The following FSIP2 variants were observed in gnomAD, a reference collection of about 807,000 sequenced individuals.
FSIP2 encodes the protein fibrous sheath interacting protein 2.
FSIP2 carries 367 observed loss-of-function variants against 510.5 expected under a neutral mutation model. The ratio of observed to expected loss-of-function variants is 0.72; its 90% CI spans 0.66 to 0.78. FSIP2 has a LOEUF of 0.78. Ranked by LOEUF, FSIP2 falls within the 30% of genes least tolerant of loss-of-function variation. The probability of loss-of-function intolerance (pLI) is 0.00; values close to 1 mark genes in which losing one functional copy is unlikely to be tolerated. For missense variants in FSIP2, 7,594 were observed against 7,901.7 expected (o/e 0.96, Z 1.48); for synonymous variants, 2,601 against 2,732.2 (o/e 0.95, Z 1.50).
Position 185,743,254 on chromosome 2 carries a change from A to G in FSIP2, c.347A>G (p.Lys116Arg), listed in dbSNP as rs1691959728. ...TACTATAAGCGCAAAGATATTTTGA[A>G]GAGATTAAAGAAAGGTGGCTACATC... ...KAYYKRKDIL[K>R]RLKKGGYITS... The change falls in exon 3 of 23, where the codon AAG becomes AGG. Residue 116 changes from lysine (K) to arginine (R), a missense_variant. By Grantham distance (26) the Lys-to-Arg change is conservative (BLOSUM62 2). Coordinates refer to ENST00000424728, the MANE Select transcript of FSIP2 (RefSeq NM_173651.4). 3 of 1,510,982 alleles carry G rather than the reference A, an allele frequency of 2.0e-6. No individual in the cohort carries two copies. The highest frequency in any genetic ancestry group is 2.6e-6 in the Non-Finnish European group (3 of 1,139,228). 93.6% of individuals were successfully genotyped at this position (1,510,982 alleles called of 1,614,324 possible).
Position 185,789,175 on chromosome 2 carries a change from CA to C in FSIP2, c.2043del (p.Ala682ProfsTer5). 6.5e-7 allele frequency: 1 copy of C among 1,534,454 alleles called. No individual in the cohort carries two copies. Among genetic ancestry groups the C allele is most frequent in the Non-Finnish European group, 8.7e-7 (1 of 1,145,748 alleles). ...LGSSLHCDKT[A>X]KAMDEMKNLK... ...AGTTCATTGCATTGTGATAAAACAG[CA>C]AAAGCCATGGATGAAATGAAGAATT... On this transcript the variant is annotated frameshift_variant, in exon 16 of 23. Transcript: ENST00000424728. LOFTEE classifies it high-confidence loss of function.
In FSIP2 at chr2:185,800,992, G is replaced by C. The variant is rs1276530311; in HGVS notation, c.11686G>C (p.Gly3896Arg). ...AAGAAAGTCAGAATTAATAGAATTA[G>C]GACAGAGTAAAAGTTCTTTAGAACT... ...KARKSELIEL[G>R]QSKSSLELRS... Residue 3896 changes from glycine (G) to arginine (R), a missense_variant, in exon 17 of 23, where the codon GGA (glycine) becomes CGA (arginine). Gly to Arg is a moderately radical substitution (Grantham distance 125). Coordinates refer to ENST00000424728, the MANE Select transcript of FSIP2 (RefSeq NM_173651.4). 2.0e-6 allele frequency: 3 copies of C among 1,531,298 alleles called. No individual in the cohort carries two copies. In the African/African-American group the frequency reaches 4.1e-5, roughly 21 times the overall value. 94.9% of individuals were successfully genotyped at this position (1,531,298 alleles called of 1,614,324 possible).
rs1005129588 is a variant in FSIP2, at chr2:185,802,668, C to T, written c.13362C>T (p.Ser4454=). ...ACATCAGTAAATCTACTGAGCCAAG[C>T]CAGAGTGTACCTCTATATAACACCT... The part of the protein sequence containing the change: ...LSNISKSTEP[S]QSVPLYNTLL... Residue 4454 remains serine (S), a synonymous_variant, in exon 17 of 23, where the codon AGC becomes AGT. Transcript: ENST00000424728. The T allele has an allele frequency of 9.8e-6, 15 of 1,533,398 alleles. No individual in the cohort carries two copies. The African/African-American group carries it at 2.1e-4, about 21-fold the overall frequency. 95.0% of individuals were successfully genotyped at this position (1,533,398 alleles called of 1,614,324 possible). A position where few individuals can be genotyped will look rare whatever the true frequency, so the allele number is the denominator to read the frequency against.
In FSIP2 at chr2:185,789,081, C is replaced by A. The variant is rs934807392; in HGVS notation, c.1945C>A (p.Leu649Ile). 6.5e-7 allele frequency: 1 copy of A among 1,534,804 alleles called. No homozygotes were observed. The change falls in exon 16 of 23, where the codon CTT becomes ATT. Residue 649 changes from leucine (L) to isoleucine (I), a missense_variant. Leu to Ile is a conservative substitution (Grantham distance 5). Transcript: ENST00000424728. ...CAGAAGTTGTAAATCAGATAGTCAC[C>A]TTTTAGCATCATTTGAAACAGGCAC... ...KLRSCKSDSH[L>I]LASFETGTKK...
intron 1 of FSIP2, 53 bp from the exon 2 acceptor site, chr2:185,739,293 T>TA: frequency 6.8e-7 from 1 of 1,476,846 alleles, no homozygotes; most frequent in Non-Finnish European, 8.9e-7. Flanking sequence ...TGGTCTAAAC[T>TA]AAACTAATAC....
chr2:185,743,579 T>C (rs187638456), intron 3 of FSIP2, among the ~76,000 whole-genome samples: 29 of 152,316 alleles, frequency 1.9e-4, no homozygotes, highest in African/African-American at 7.0e-4. Flanking sequence ...CCCACGTGTA[T>C]TATAGCCTTC....
At chr2:185,738,356 G>T (rs1691828830), upstream of FSIP2, 2 of 471,792 alleles carry the variant, frequency 4.2e-6, no homozygotes, top group Non-Finnish European at 7.6e-6. Flanking sequence ...AGGAAACCTA[G>T]GGGACAGAAG....
In FSIP2 at chr2:185,803,866, A is replaced by C. The variant is rs758780204; in HGVS notation, c.14560A>C (p.Met4854Leu). Residue 4854 changes from methionine to leucine, a missense_variant, in exon 17 of 23, where the codon ATG (methionine) becomes CTG (leucine). Physicochemically the swap from Met to Leu is conservative, Grantham distance 15. Transcript: ENST00000424728. ...TAAATATGGGAATAAAAAACAGAGTATGATTTCAGCAAAAGATATCCAGTC... is the reference window on the plus strand; with the variant it reads ...TAAATATGGGAATAAAAAACAGAGTCTGATTTCAGCAAAAGATATCCAGTC... The part of the protein sequence containing the change: ...IIKYGNKKQS[M>L]ISAKDIQSMV... The C allele has an allele frequency of 2.4e-5, 36 of 1,520,880 alleles. No homozygotes were observed. In the South Asian group the frequency reaches 2.7e-4, roughly 11 times the overall value. The allele number at this position is 1,520,880 out of a possible 1,614,324, so 94.2% of individuals were successfully genotyped here.
At chr2:185,748,050 G>GTTATT (rs1692069411) in intron 7 of FSIP2, among the ~76,000 whole-genome samples, 1 of 151,854 alleles carries the variant, frequency 6.6e-6, no homozygotes, top group Non-Finnish European at 1.5e-5. Flanking sequence ...ATTTTAGGTA[G>GTTATT]GTTATTGTTA....
At chr2:185,797,642 C>A in intron 16 of FSIP2, 116 bp downstream of exon 16, 1 of 1,028,114 alleles carries the variant, frequency 9.7e-7, no homozygotes, top group Non-Finnish European at 1.4e-6. Context: ...TCTGAAAATA[C>A]CCTTGGAGGT....
chr2:185,804,384 C>T lies in FSIP2; in HGVS notation c.15078C>T (p.Asn5026=). ...AAGAAATGGTTCAAAAAATAGTCAA[C>T]TCAGTATATGGAAAAGTATTAGATC... ...RYKEMVQKIV[N]SVYGKVLDQY... is the part of the protein sequence containing the mutation. Residue 5026 remains asparagine, a synonymous_variant, in exon 17 of 23, where the codon AAC becomes AAT. Transcript: ENST00000424728. The T allele has an allele frequency of 1.3e-6, 2 of 1,504,374 alleles. No homozygotes were observed. The highest frequency in any genetic ancestry group is 1.8e-6 in the Non-Finnish European group (2 of 1,132,106). 93.2% of individuals were successfully genotyped at this position (1,504,374 alleles called of 1,614,324 possible). A position where few individuals can be genotyped will look rare whatever the true frequency, so the allele number is the denominator to read the frequency against.
Position 185,800,331 on chromosome 2 carries a change from T to A in FSIP2, c.11025T>A (p.Tyr3675Ter). The change falls in exon 17 of 23, where the codon TAT becomes TAA. Residue 3675 changes from tyrosine (Y) to a stop codon, truncating the protein, a stop_gained. Transcript: ENST00000424728. LOFTEE classifies it high-confidence loss of function. ...TTTTTCAAAAAAATAAGTTAAGTTA[T>A]CTTGCATGTAAGTTAAACAGCCTGG... ...GQLFQKNKLS[Y>*]LACKLNSLVG... 4 of 1,533,204 alleles carry A rather than the reference T, an allele frequency of 2.6e-6. No individual in the cohort carries two copies. The highest frequency in any genetic ancestry group is 2.6e-6 in the Non-Finnish European group (3 of 1,145,258). The allele number at this position is 1,533,204 out of a possible 1,614,324, so 95.0% of individuals were successfully genotyped here.
rs1409395903 is a variant in FSIP2 at position 185,803,216 on chromosome 2, G to T, written c.13910G>T (p.Arg4637Met). The change falls in exon 17 of 23, where the codon AGG becomes ATG. Residue 4637 changes from arginine to methionine, a missense_variant. By Grantham distance (91) the Arg-to-Met change is moderately conservative. Transcript: ENST00000424728. Reference protein sequence around the residue: ...ISGVLRKIFHRVVGIVQTKSI... With the variant: ...ISGVLRKIFHMVVGIVQTKSI... ...GGGGTTTTAAGAAAAATATTCCACAGGGTAGTAGGCATTGTACAAACAAAA... is the reference window on the plus strand; with the variant it reads ...GGGGTTTTAAGAAAAATATTCCACATGGTAGTAGGCATTGTACAAACAAAA... The T allele has an allele frequency of 6.5e-7, 1 of 1,532,240 alleles. No individual in the cohort carries two copies. Among genetic ancestry groups the T allele is most frequent in the African/African-American group, 1.4e-5 (1 of 72,876 alleles). The allele number at this position is 1,532,240 out of a possible 1,614,324, so 94.9% of individuals were successfully genotyped here.
At chr2:185,749,748 G>A (rs1203950029) in intron 7 of FSIP2, among the ~76,000 whole-genome samples, 1 of 151,718 alleles carries the variant, frequency 6.6e-6, no homozygotes, top group African/African-American at 2.4e-5. Context: ...GTGATCTCAA[G>A]GGGAAAGGAT....
At position 185,788,922 on chromosome 2, in the gene FSIP2, A is replaced by G. The variant is rs1483453748; in HGVS notation, c.1786A>G (p.Thr596Ala). The G allele has an allele frequency of 2.6e-6, 4 of 1,535,128 alleles. No individual in the cohort carries two copies. The highest frequency in any genetic ancestry group is 1.2e-5 in the South Asian group (1 of 84,046). ...FVVDTSVRRP[T>A]TPIKPPPAHV... ...AGTTGACACGTCAGTAAGGAGACCA[A>G]CCACACCTATAAAACCTCCTCCTGC... Residue 596 changes from threonine to alanine, a missense_variant, in exon 16 of 23, where the codon ACC becomes GCC. Coordinates refer to ENST00000424728, the MANE Select transcript of FSIP2 (RefSeq NM_173651.4).
chr2:185,738,595 G>A (rs1343746236), upstream of FSIP2: 2 of 1,535,402 alleles, frequency 1.3e-6, no homozygotes, highest in Non-Finnish European at 1.7e-6. Flanking sequence ...GTTTTCGTTA[G>A]GATTGGCTAA....
In FSIP2 at chr2:185,797,373, T is replaced by C. The variant is rs1392515670; in HGVS notation, c.10237T>C (p.Leu3413=). The change falls in exon 16 of 23, where the codon TTG becomes CTG. Residue 3413 remains leucine, a synonymous_variant. Coordinates refer to ENST00000424728, the MANE Select transcript of FSIP2 (RefSeq NM_173651.4). ...SREDSSFLQK[L]KKKEYPKIET... ...GGAAGATTCTTCTTTTTTGCAAAAA[T>C]TGAAAAAAAAGGAGTACCCAAAGAT... 3 of 1,525,418 alleles carry C rather than the reference T, an allele frequency of 2.0e-6. No individual in the cohort carries two copies. The highest frequency in any genetic ancestry group is 2.1e-5 in the Admixed American group (1 of 48,604). The allele number at this position is 1,525,418 out of a possible 1,614,324, so 94.5% of individuals were successfully genotyped here. A position where few individuals can be genotyped will look rare whatever the true frequency, so the allele number is the denominator to read the frequency against.
intron 14 of FSIP2, among the ~76,000 whole-genome samples, chr2:185,785,782 CT>C (rs1470314799): frequency 6.6e-6 from 1 of 151,942 alleles, no homozygotes; most frequent in Non-Finnish European, 1.5e-5. Flanking sequence ...CACATATTTT[CT>C]TCCTACTGTG....
In FSIP2 at chr2:185,791,978, C is replaced by A; in HGVS notation, c.4842C>A (p.Ser1614Arg). The A allele has an allele frequency of 1.3e-6, 2 of 1,533,656 alleles. No homozygotes were observed. Among genetic ancestry groups the A allele is most frequent in the East Asian group, 2.5e-5 (1 of 40,816 alleles). The change falls in exon 16 of 23, where the codon AGC becomes AGA. Residue 1614 changes from serine (S) to arginine (R), a missense_variant. Transcript: ENST00000424728. ...CTATTAATGATGGAAATAAGAAAAG[C>A]AATAAGATAGGCTGGGAATATGAAA... Reference protein sequence around the residue: ...LGAINDGNKKSNKIGWEYEST... With the variant: ...LGAINDGNKKRNKIGWEYEST...
Sources: allele counts gnomAD v4.1 joint callset (sites outside exome capture counted in the v4.1 genomes callset), GRCh38; gene constraint gnomAD v4.1.1; transcripts MANE v1.5; gene names NCBI Gene and HGNC (gene_info 2026-07-23, HGNC 2026-07-21).